Variants in ANKLE2 observed in about 807,000 individuals in gnomAD.
ANKLE2 encodes ankyrin repeat and LEM domain containing 2.
A neutral mutation model predicts 84.2 loss-of-function variants in ANKLE2; 55 were observed. That is an observed-to-expected ratio of 0.65 (90% CI 0.53 to 0.82). ANKLE2 has a LOEUF of 0.82. Among genes scored for constraint, ANKLE2 ranks in the 40% least tolerant of loss-of-function variants. The pLI, the probability that ANKLE2 is intolerant of heterozygous loss-of-function variation, is 0.00. For synonymous variants in ANKLE2, 551 were observed against 486.1 expected (o/e 1.13, Z -1.76); for missense variants, 1,238 against 1,201.9 (o/e 1.03, Z -0.44).
rs756469595 is a variant in ANKLE2, at chr12:132,730,056, G to A, written c.2106C>T (p.Cys702=). The A allele has an allele frequency of 5.0e-6, 8 of 1,612,866 alleles. No individual in the cohort carries two copies. The highest frequency in any genetic ancestry group is 6.8e-6 in the Non-Finnish European group (8 of 1,179,730). ...GGGTCCTGCTGTGATTCAGAGGATG[G>A]CAGAGCCCATTTCTGCTGCTGTGTG... The part of the protein sequence containing the change: ...GGPHSSRNGL[C]HPLNHSRTLA... The change falls in exon 11 of 13, where the codon TGC becomes TGT. Residue 702 remains cysteine (C), a synonymous_variant. Transcript: ENST00000357997.
intron 1 of ANKLE2, 153 bp from the exon 2 acceptor site, chr12:132,755,286 G>C: frequency 1.5e-6 from 1 of 685,016 alleles, no homozygotes; most frequent in Non-Finnish European, 2.3e-6. Flanking sequence ...GCTCACGCCT[G>C]TAATCCCAGC....
In ANKLE2 at chr12:132,747,988, A is replaced by C. The variant is rs1437320782; in HGVS notation, c.1074T>G (p.Ala358=). 6.3e-7 allele frequency: 1 copy of C among 1,597,414 alleles called. No homozygotes were observed. Among genetic ancestry groups the C allele is most frequent in the Non-Finnish European group, 8.5e-7 (1 of 1,175,668 alleles). ...EGCRYNVMHV[A]AKENQASICQ... is the part of the protein sequence containing the mutation. The stretch of plus-strand genomic sequence containing the variant: ...AGATGGAAGCCTGGTTCTCTTTGGC[A>C]GCAACATGCATCACGTTGTACCTGC... The change falls in exon 5 of 13, where the codon GCT becomes GCG. Residue 358 remains alanine (A), a synonymous_variant. Transcript: ENST00000357997.
In ANKLE2 at chr12:132,729,662, G is replaced by C. The variant is rs769160545; in HGVS notation, c.2483+17C>G. The C allele has an allele frequency of 6.4e-7, 1 of 1,556,450 alleles. No homozygotes were observed. The highest frequency in any genetic ancestry group is 1.4e-5 in the African/African-American group (1 of 69,498). ...GGTGGGGAAGGAAAGTGAGTGCAGA[G>C]GGCAACACACTCCTACCCAAAAAGG... On this transcript the variant is annotated intron_variant, in intron 11 of 12. Transcript: ENST00000357997.
At chr12:132,744,643 G>T (rs1422125032) in intron 5 of ANKLE2, among the ~76,000 whole-genome samples, 65 of 152,138 alleles carry the variant, frequency 4.3e-4, no homozygotes. Flanking sequence ...CTGTCCAGGG[G>T]CTGGCAAGCT....
At chr12:132,737,361 G>A (rs1264861321) in intron 7 of ANKLE2, 2 of 321,702 alleles carry the variant, frequency 6.2e-6, no homozygotes, top group African/African-American at 4.2e-5. Flanking sequence ...GGACTAAGGG[G>A]TCGGACCTGA....
chr12:132,747,027 T>C (rs905834130), intron 5 of ANKLE2, among the ~76,000 whole-genome samples: 6 of 152,220 alleles, frequency 3.9e-5, no homozygotes, highest in African/African-American at 1.4e-4. Context: ...CAGTGCTGCC[T>C]TGCATGGGCC....
chr12:132,750,637 A>G lies in ANKLE2; in HGVS notation c.847+6T>C. 3.1e-6 allele frequency: 5 copies of G among 1,613,750 alleles called. No individual in the cohort carries two copies. The highest frequency in any genetic ancestry group is 4.2e-6 in the Non-Finnish European group (5 of 1,179,862). ...ACATCAAGATGTGAACGGCTGCATG[A>G]TTTACCTTTCAACCTGTCATTGCTA... On this transcript the variant is annotated splice_donor_region_variant and intron_variant, in intron 3 of 12. Coordinates refer to ENST00000357997, the MANE Select transcript of ANKLE2 (RefSeq NM_015114.3).
chr12:132,749,836 CCTTG>C (rs1403819133), intron 3 of ANKLE2, among the ~76,000 whole-genome samples: 1 of 152,166 alleles, frequency 6.6e-6, no homozygotes, highest in Non-Finnish European at 1.5e-5. Flanking sequence ...ATGCCCTAGT[CCTTG>C]AAGTAGGTAT....
intron 6 of ANKLE2, chr12:132,741,903 G>A (rs753101657): frequency 1.9e-4 from 86 of 452,700 alleles, no homozygotes; most frequent in Middle Eastern, 3.2e-4. Flanking sequence ...TAAGTAACAC[G>A]GAACATCAAA....
intron 2 of ANKLE2, chr12:132,751,254 T>A (rs1487206996): frequency 6.4e-6 from 1 of 157,144 alleles, no homozygotes; most frequent in Non-Finnish European, 1.4e-5. Context: ...TACTTTATTT[T>A]TTTTTTTGGA....
chr12:132,752,078 C>A (rs1229623896), intron 2 of ANKLE2, among the ~76,000 whole-genome samples: 3 of 152,114 alleles, frequency 2.0e-5, no homozygotes, highest in Non-Finnish European at 2.9e-5. Flanking sequence ...CGGTGGCTCA[C>A]GCCTGTAATC....
At chr12:132,746,796 G>T (rs905902270) in intron 5 of ANKLE2, among the ~76,000 whole-genome samples, 1 of 152,124 alleles carries the variant, frequency 6.6e-6, no homozygotes. Flanking sequence ...TACTGTGTGG[G>T]ATTTTACACC....
intron 1 of ANKLE2, chr12:132,761,320 G>A (rs1358016737): frequency 3.8e-6 from 1 of 265,272 alleles, no homozygotes; most frequent in Non-Finnish European, 7.1e-6. Flanking sequence ...CGCAGCAAGA[G>A]TCTCCGCTAA....
intron 7 of ANKLE2, among the ~76,000 whole-genome samples, chr12:132,739,197 C>A (rs924661265): frequency 6.6e-6 from 1 of 152,128 alleles, no homozygotes; most frequent in African/African-American, 2.4e-5. Flanking sequence ...TACCCCAAAC[C>A]CCGGTGACAT....
In ANKLE2 at chr12:132,750,853, G is replaced by C; in HGVS notation, c.641-4C>G. The C allele has an allele frequency of 6.2e-7, 1 of 1,612,338 alleles. No homozygotes were observed. The highest frequency in any genetic ancestry group is 8.5e-7 in the Non-Finnish European group (1 of 1,179,052). On this transcript the variant is annotated splice_region_variant and splice_polypyrimidine_tract_variant and intron_variant, in intron 2 of 12. Transcript: ENST00000357997. ...TTTTCATAAACATAGATCCTTTCTG[G>C]GTAAGAAAAGTAACAAATGAAAATC...
chr12:132,728,463 T>C (rs1314497571), intron 11 of ANKLE2, among the ~76,000 whole-genome samples: 1 of 152,148 alleles, frequency 6.6e-6, no homozygotes, highest in Non-Finnish European at 1.5e-5. Flanking sequence ...CTCCTGACCT[T>C]GTGATCCACC....
At chr12:132,734,339 TG>T in intron 10 of ANKLE2, 45 bp downstream of exon 10, 1 of 1,600,550 alleles carries the variant, frequency 6.2e-7, no homozygotes, top group Non-Finnish European at 8.5e-7. Flanking sequence ...ACCCCGGCCA[TG>T]GGGGGCCCCT....
chr12:132,750,024 C>G (rs1004533047), intron 3 of ANKLE2, among the ~76,000 whole-genome samples: 6 of 151,798 alleles, frequency 4.0e-5, no homozygotes, highest in African/African-American at 1.2e-4. Context: ...TAAATTCTAG[C>G]CTGGCCAACA....
rs921069004 is a variant in ANKLE2, at chr12:132,725,854, T to C, written c.*1388A>G. 1 of 152,240 alleles carries C rather than the reference T, an allele frequency of 6.6e-6. No individual in the cohort carries two copies. Among genetic ancestry groups the C allele is most frequent in the African/African-American group, 2.4e-5 (1 of 41,456 alleles). The allele number at this position is 152,240 out of a possible 1,614,324, so 9.4% of individuals were successfully genotyped here. ...TTGTTTCTGTCTGGGATCTAGATCT[T>C]GTCTGCTACAAAACAAATGAACACA... On this transcript the variant is annotated 3_prime_UTR_variant, in exon 13 of 13. Transcript: ENST00000357997.
Sources: gnomAD v4.1 joint callset for allele counts (sites outside exome capture counted in the v4.1 genomes callset) on GRCh38, gnomAD v4.1.1 for gene constraint, MANE v1.5 for transcripts, NCBI Gene and HGNC (gene_info 2026-07-23, HGNC 2026-07-21) for gene names.